LYSMD4: variants seen among roughly 807,000 people sequenced by gnomAD.
The protein encoded by LYSMD4 is lysM and putative peptidoglycan-binding domain-containing protein 4.
A neutral mutation model predicts 6.1 loss-of-function variants in LYSMD4; 9 were observed. The observed-to-expected ratio is 1.47, with a 90% CI of 0.88 to 2.56. LYSMD4 has a LOEUF of 2.56. Among genes scored for constraint, LYSMD4 ranks in the 30% most tolerant of loss-of-function variants. The pLI is 0.00. For synonymous variants in LYSMD4, 143 were observed against 148.5 expected (o/e 0.96, Z 0.27); for missense variants, 384 against 373.5 (o/e 1.03, Z -0.23).
Position 99,728,458 on chromosome 15 carries a change from G to A in LYSMD4, c.*665C>T, listed in dbSNP as rs371806544. ...TGCTTGGCCTGGGAGATGCCTGTGT[G>A]TCACACTAAGCCACTCTAAAAGGAC... On this transcript the variant is annotated 3_prime_UTR_variant, in exon 3 of 3. Transcript: ENST00000684762. 1.9e-5 allele frequency: 3 copies of A among 153,974 alleles called. No individual in the cohort carries two copies. The highest frequency in any genetic ancestry group is 7.2e-5 in the African/African-American group (3 of 41,476). The allele number at this position is 153,974 out of a possible 1,614,324, so 9.5% of individuals were successfully genotyped here. A position where few individuals can be genotyped will look rare whatever the true frequency, so the allele number is the denominator to read the frequency against.
exon 1 of LYSMD4, chr15:99,717,531 C>T (rs553252020): frequency 7.2e-5 from 6 of 83,202 alleles, no homozygotes; most frequent in Non-Finnish European, 1.1e-4. Context: ...GTCAAGTGGG[C>T]TTGTGTCCTC....
chr15:99,733,358 C>T lies in LYSMD4; in HGVS notation c.-22G>A, dbSNP rs1245491268. 1.5e-5 allele frequency: 6 copies of T among 394,716 alleles called. No homozygotes were observed. The highest frequency in any genetic ancestry group is 2.7e-5 in the Non-Finnish European group (6 of 223,480). 24.5% of individuals were successfully genotyped at this position (394,716 alleles called of 1,614,324 possible). ...AGGCCCCGGTACCTCAGCGCCCAGGCTCCGCCGCGACCGGCGACCGGCGAC... is the reference window on the plus strand; with the variant it reads ...AGGCCCCGGTACCTCAGCGCCCAGGTTCCGCCGCGACCGGCGACCGGCGAC... On this transcript the variant is annotated 5_prime_UTR_variant, in exon 1 of 3. Coordinates refer to ENST00000684762, the MANE Select transcript of LYSMD4 (RefSeq NM_001284417.2).
In LYSMD4 at chr15:99,731,928, G is replaced by T. The variant is rs201303084; in HGVS notation, c.72C>A (p.His24Gln). 1.5e-5 allele frequency: 24 copies of T among 1,612,804 alleles called. No individual in the cohort carries two copies. Among genetic ancestry groups the T allele is most frequent in the Non-Finnish European group, 1.9e-5 (23 of 1,179,742 alleles). Residue 24 changes from histidine (H) to glutamine (Q), a missense_variant, in exon 2 of 3, where the codon CAC (histidine) becomes CAA (glutamine). Physicochemically the swap from His to Gln is conservative, Grantham distance 24. Transcript: ENST00000684762. Reference protein sequence around the residue: ...PAVVCGTPTSHVYMFKNGSGD... With the variant: ...PAVVCGTPTSQVYMFKNGSGD... ...CACTGCCATTCTTAAACATGTATAC[G>T]TGGCTGGTCGGAGTCCCACACACAA... is the stretch of plus-strand genomic sequence containing the variant.
At chr15:99,731,405 G>C (rs776694634) in intron 2 of LYSMD4, 1 of 1,612,406 alleles carries the variant, frequency 6.2e-7, no homozygotes, top group Non-Finnish European at 8.5e-7. Flanking sequence ...AGCCCCATTA[G>C]GTCTAAAATA....
At chr15:99,724,157 G>C (rs989671179), downstream of LYSMD4, among the ~76,000 whole-genome samples, 1 of 151,088 alleles carries the variant, frequency 6.6e-6, no homozygotes, top group African/African-American at 2.5e-5. Context: ...CTAAGGAAAT[G>C]TCATCTCCTC....
downstream of LYSMD4, among the ~76,000 whole-genome samples, chr15:99,724,631 A>G (rs182879049): frequency 7.7e-4 from 118 of 152,372 alleles, 1 homozygote; most frequent in African/African-American, 2.0e-3. Flanking sequence ...ATGTTATCCC[A>G]TCACCTCTTG....
chr15:99,729,787 T>C (rs2059359290), intron 2 of LYSMD4, 56 bp from the exon 3 acceptor site: 1 of 1,523,698 alleles, frequency 6.6e-7, no homozygotes, highest in Non-Finnish European at 8.7e-7. Context: ...TAAAAATAAC[T>C]TTCCAAAAAG....
At position 99,728,188 on chromosome 15, in the gene LYSMD4, G is replaced by C. The variant is rs999304425; in HGVS notation, c.*935C>G. 2.0e-5 allele frequency: 3 copies of C among 152,534 alleles called. No homozygotes were observed. The highest frequency in any genetic ancestry group is 7.2e-5 in the African/African-American group (3 of 41,482). The allele number at this position is 152,534 out of a possible 1,614,324, so 9.4% of individuals were successfully genotyped here. ...GGCCTTCTCACTCTGGAGCTCCGAA[G>C]AACTGAGCCAGGGAAGCAGCAGGGG... is the stretch of plus-strand genomic sequence containing the variant. On this transcript the variant is annotated 3_prime_UTR_variant, in exon 3 of 3. Transcript: ENST00000684762.
upstream of LYSMD4, among the ~76,000 whole-genome samples, chr15:99,721,866 C>T (rs2059240303): frequency 6.6e-6 from 1 of 152,186 alleles, no homozygotes; most frequent in African/African-American, 2.4e-5. Flanking sequence ...CCAGGTGAAA[C>T]TGATGAGTGC....
intron 1 of LYSMD4, 97 bp from the exon 2 acceptor site, chr15:99,732,104 TC>T: frequency 7.7e-7 from 1 of 1,294,302 alleles, no homozygotes; most frequent in Non-Finnish European, 1.0e-6. Flanking sequence ...GTATTCCTTT[TC>T]CTAATCGCTG....
At chr15:99,732,917 G>A (rs1347644635) in intron 1 of LYSMD4, 1 of 158,312 alleles carries the variant, frequency 6.3e-6, no homozygotes, top group Non-Finnish European at 1.4e-5. Flanking sequence ...TCCTCGGGGG[G>A]TTGAGGGTCA....
At chr15:99,729,924 A>G (rs1023843168) in intron 2 of LYSMD4, among the ~76,000 whole-genome samples, 193 bp from the exon 3 acceptor site, 2 of 152,214 alleles carry the variant, frequency 1.3e-5, no homozygotes, top group Non-Finnish European at 2.9e-5. Flanking sequence ...CTTTCACTCA[A>G]CCTCAATATA....
At chr15:99,726,746 G>C, downstream of LYSMD4, among the ~76,000 whole-genome samples, 1 of 152,154 alleles carries the variant, frequency 6.6e-6, no homozygotes, top group Non-Finnish European at 1.5e-5. Context: ...AAAAAGACTG[G>C]AGACTAGATA....
rs770495695 is a variant in LYSMD4, at chr15:99,729,598, G to T, written c.416C>A (p.Pro139Gln). ...CACGGTCACTGTGGTCTCGGAAGAC[G>T]GGCTCAGAAGGGGTTTCAGTTCTTT... ...THKELKPLLS[P>Q]SSETTVTVEL... The change falls in exon 3 of 3, where the codon CCG (proline) becomes CAG (glutamine). Residue 139 changes from proline to glutamine, a missense_variant. By Grantham distance (76) the Pro-to-Gln change is moderately conservative. Coordinates refer to ENST00000684762, the MANE Select transcript of LYSMD4 (RefSeq NM_001284417.2). 2 of 1,614,012 alleles carry T rather than the reference G, an allele frequency of 1.2e-6. No individual in the cohort carries two copies. The highest frequency in any genetic ancestry group is 1.7e-6 in the Non-Finnish European group (2 of 1,180,044).
chr15:99,724,352 C>G (rs2059261093), downstream of LYSMD4, among the ~76,000 whole-genome samples: 1 of 152,214 alleles, frequency 6.6e-6, no homozygotes, highest in African/African-American at 2.4e-5. Context: ...CCTCCACCTC[C>G]CAGGCTCAAG....
upstream of LYSMD4, among the ~76,000 whole-genome samples, chr15:99,720,013 A>C (rs1190048603): frequency 6.6e-6 from 1 of 152,022 alleles, no homozygotes; most frequent in African/African-American, 2.4e-5. Context: ...TTTTTCTATT[A>C]GATTTTTTAT....
At chr15:99,721,397 G>A (rs1206605767), upstream of LYSMD4, among the ~76,000 whole-genome samples, 2 of 152,188 alleles carry the variant, frequency 1.3e-5, no homozygotes, top group Non-Finnish European at 2.9e-5. Context: ...TGGTACATGG[G>A]CTATCCTTCC....
At chr15:99,718,862 T>C (rs1158443572), upstream of LYSMD4, among the ~76,000 whole-genome samples, 1 of 151,996 alleles carries the variant, frequency 6.6e-6, no homozygotes, top group African/African-American at 2.4e-5. Flanking sequence ...TATCACCTCT[T>C]TCGGACTCTT....
intron 1 of LYSMD4, 54 bp downstream of exon 1, chr15:99,733,291 G>A (rs2141150665): frequency 2.6e-6 from 1 of 388,644 alleles, no homozygotes; most frequent in East Asian, 3.7e-5. Context: ...GTACCGCCAT[G>A]AGCCCGCGCG....
Sources: gnomAD v4.1 joint callset for allele counts (sites outside exome capture counted in the v4.1 genomes callset) on GRCh38, gnomAD v4.1.1 for gene constraint, MANE v1.5 for transcripts, NCBI Gene and HGNC (gene_info 2026-07-23, HGNC 2026-07-21) for gene names.